RBFOX1: variants seen among roughly 807,000 people sequenced by gnomAD.
RBFOX1 encodes the protein RNA binding fox-1 homolog 1.
In RBFOX1, 8 loss-of-function variants were observed where a neutral mutation model predicts 57.7. That is an observed-to-expected ratio of 0.14 (90% CI 0.08 to 0.25). RBFOX1 has a LOEUF of 0.25. Among genes scored for constraint, RBFOX1 ranks in the 10% least tolerant of loss-of-function variants. The pLI is 1.00. For synonymous variants in RBFOX1, 326 were observed against 222.4 expected (o/e 1.47, Z -4.15); for missense variants, 611 against 548.5 (o/e 1.11, Z -1.14).
At chr16:5,534,868 A>G (rs2044634550) in intron 2 of RBFOX1, among the ~76,000 whole-genome samples, 1 of 152,240 alleles carries the variant, frequency 6.6e-6, no homozygotes, top group African/African-American at 2.4e-5. Context: ...GGAATTTATT[A>G]AACACAAGAA....
At chr16:7,025,987 G>A (rs1338755593) in intron 3 of RBFOX1, among the ~76,000 whole-genome samples, 2 of 152,160 alleles carry the variant, frequency 1.3e-5, no homozygotes, top group African/African-American at 4.8e-5. Context: ...GGTATCTGTA[G>A]ACTGGTCATA....
chr16:6,604,790 C>T (rs1007572251), intron 2 of RBFOX1, among the ~76,000 whole-genome samples: 4 of 151,832 alleles, frequency 2.6e-5, no homozygotes, highest in Admixed American at 6.6e-5. Context: ...TCTTTCTTAC[C>T]AATTAATTGG....
intron 4 of RBFOX1, among the ~76,000 whole-genome samples, chr16:7,250,836 G>A (rs1208615481): frequency 3.9e-5 from 6 of 152,058 alleles, no homozygotes; most frequent in African/African-American, 1.4e-4. Flanking sequence ...CCTTCTTTTA[G>A]GGAACTTAGG....
chr16:5,299,218 C>T (rs77322551), intron 1 of RBFOX1, among the ~76,000 whole-genome samples: 2,877 of 150,966 alleles, frequency 0.019, 80 homozygotes, highest in African/African-American at 0.065. Flanking sequence ...TTTTTTTGCT[C>T]AAAAAAAGTT....
At chr16:6,487,595 C>T (rs1439995278) in intron 2 of RBFOX1, among the ~76,000 whole-genome samples, 2 of 140,594 alleles carry the variant, frequency 1.4e-5, no homozygotes, top group African/African-American at 2.7e-5. Flanking sequence ...TCATGAAGGC[C>T]AGGAAAGACT....
chr16:7,558,705 T>TG (rs1169746390), intron 5 of RBFOX1, among the ~76,000 whole-genome samples: 2 of 152,174 alleles, frequency 1.3e-5, no homozygotes, highest in African/African-American at 4.8e-5. Flanking sequence ...TACCCCAGGC[T>TG]GACAAAATCA....
chr16:6,254,221 T>C (rs2097646464), intron 1 of RBFOX1, among the ~76,000 whole-genome samples: 1 of 152,270 alleles, frequency 6.6e-6, no homozygotes, highest in Non-Finnish European at 1.5e-5. Flanking sequence ...TCTGTATAGG[T>C]TATCATGCAG....
chr16:7,122,834 C>G (rs137931532), intron 4 of RBFOX1, among the ~76,000 whole-genome samples: 1 of 152,228 alleles, frequency 6.6e-6, no homozygotes, highest in Non-Finnish European at 1.5e-5. Flanking sequence ...GAATTTGAAG[C>G]ATTACATGTA....
At chr16:5,485,364 A>T (rs935560493) in intron 2 of RBFOX1, among the ~76,000 whole-genome samples, 2 of 150,384 alleles carry the variant, frequency 1.3e-5, no homozygotes, top group African/African-American at 4.9e-5. Flanking sequence ...AAAAAAAAAA[A>T]AAAAGTGAAT....
rs575235024 is a variant in RBFOX1 at position 5,897,016 on chromosome 16, C to CTTTTTT, written c.351+29706_351+29711dup. Among the ~76,000 whole-genome samples the CTTTTTT allele has an allele frequency of 7.8e-4, 44 of 56,466 alleles. 6 individuals are homozygous for CTTTTTT. Among genetic ancestry groups the CTTTTTT allele is most frequent in the East Asian group, 4.0e-3 (6 of 1,506 alleles). The allele number at this position is 56,466 out of a possible 152,430, so 37.0% of individuals were successfully genotyped here. On this transcript the variant is annotated intron_variant, in intron 4 of 19. Transcript: ENST00000641259. ...CCCCCACTAAAAATGTATCCATCCG[C>CTTTTTT]TTTTTTTTTTTTTTTTTTTTTTTTT... is the stretch of plus-strand genomic sequence containing the variant.
In RBFOX1 at chr16:5,277,258, A is replaced by G. The variant is rs2063163865; in HGVS notation, c.219+37153A>G. On this transcript the variant is annotated intron_variant, in intron 1 of 2. Transcript: ENST00000585867. ...ACTCATAAGTGGGAGCTAAGCTATG[A>G]TGATGCAAAGGGACGAGAATGAAAC... Among the ~76,000 whole-genome samples, 3 of 151,916 alleles carry G rather than the reference A, an allele frequency of 2.0e-5. No homozygotes were observed. In the South Asian group the frequency reaches 6.2e-4, roughly 32 times the overall value.
intron 4 of RBFOX1, chr16:7,126,773 G>A (rs1481184748): frequency 1.3e-5 from 2 of 152,096 alleles, no homozygotes; most frequent in Non-Finnish European, 2.9e-5. Context: ...CAGATCACCT[G>A]AGGTTGGGAG....
intron 1 of RBFOX1, among the ~76,000 whole-genome samples, chr16:6,082,160 C>G (rs1384487247): frequency 6.9e-6 from 1 of 145,320 alleles, no homozygotes; most frequent in Non-Finnish European, 1.5e-5. Flanking sequence ...TTGTTGGTCA[C>G]TTACCAATAC....
At chr16:6,435,770 G>C (rs78287842) in intron 2 of RBFOX1, among the ~76,000 whole-genome samples, 2,826 of 152,146 alleles carry the variant, frequency 0.019, 90 homozygotes, top group African/African-American at 0.064. Context: ...CAATTGATTG[G>C]GGTCTAGATT....
chr16:7,560,656 A>T (rs1236652896), intron 5 of RBFOX1, among the ~76,000 whole-genome samples: 1 of 152,054 alleles, frequency 6.6e-6, no homozygotes, highest in East Asian at 1.9e-4. Context: ...TTTTTCATAA[A>T]TTGAGATTCA....
chr16:7,402,598 C>T (rs566064900), intron 4 of RBFOX1, among the ~76,000 whole-genome samples: 201 of 152,236 alleles, frequency 1.3e-3, no homozygotes, highest in Admixed American at 3.3e-3. Context: ...TTTCCAGATC[C>T]TTATGCATAA....
intron 4 of RBFOX1, chr16:7,126,684 A>T (rs1204175796): frequency 6.6e-6 from 1 of 151,978 alleles, no homozygotes; most frequent in African/African-American, 2.4e-5. Flanking sequence ...TTTTAAATAT[A>T]TATGTATATA....
chr16:6,679,106 C>A, intron 3 of RBFOX1, among the ~76,000 whole-genome samples: 1 of 152,108 alleles, frequency 6.6e-6, no homozygotes, highest in East Asian at 1.9e-4. Flanking sequence ...AGCAAGCTTT[C>A]AACAGACAAA....
intron 3 of RBFOX1, among the ~76,000 whole-genome samples, chr16:6,664,135 TTC>T (rs2098717894): frequency 6.6e-6 from 1 of 152,222 alleles, no homozygotes; most frequent in South Asian, 2.1e-4. Flanking sequence ...CCTTTCAGAC[TTC>T]TGTCAGTTCC....
Sources: allele counts gnomAD v4.1 joint callset (sites outside exome capture counted in the v4.1 genomes callset), GRCh38; gene constraint gnomAD v4.1.1; transcripts MANE v1.5; gene names NCBI Gene and HGNC (gene_info 2026-07-23, HGNC 2026-07-21).